Variants in SAP30BP observed in about 807,000 individuals in gnomAD.
SAP30BP encodes SAP30 binding protein, also known as SAP30-binding protein.
A neutral mutation model predicts 46.3 loss-of-function variants in SAP30BP; 31 were observed. That is an observed-to-expected ratio of 0.67 (90% CI 0.50 to 0.90). The LOEUF is 0.90. Among genes scored for constraint, SAP30BP ranks in the 40% least tolerant of loss-of-function variants. The pLI is 0.00. For synonymous variants in SAP30BP, 169 were observed against 144.2 expected, an observed-to-expected ratio of 1.17 and a Z score of -1.23; for missense variants, 312 against 391.0, an observed-to-expected ratio of 0.80 and a Z score of 1.70.
chr17:75,684,235 G>A (rs78799153), intron 3 of SAP30BP, among the ~76,000 whole-genome samples: 1,551 of 152,298 alleles, frequency 0.01, 23 homozygotes, highest in African/African-American at 0.034. Context: ...GTGCAAAATG[G>A]AAATAATAAT....
At chr17:75,672,848 C>T (rs2148371015) in intron 3 of SAP30BP, among the ~76,000 whole-genome samples, 1 of 151,972 alleles carries the variant, frequency 6.6e-6, no homozygotes, top group South Asian at 2.1e-4. Flanking sequence ...CCTGTGATCC[C>T]AGCTACTGGG....
At position 75,668,585 on chromosome 17, in the gene SAP30BP, A is replaced by G. The variant is rs1449552362; in HGVS notation, c.176A>G (p.Asp59Gly). ...TTTTCTCGTCTAGGGGGTGATGAAG[A>G]TGGTTATGAAGAAGAAGAAGATGAG... ...DDFSRLGGDEDGYEEEEDENS... is the reference protein window; with the variant it reads ...DDFSRLGGDEGGYEEEEDENS... The change falls in exon 2 of 11, where the codon GAT (aspartate) becomes GGT (glycine). Residue 59 changes from aspartate to glycine, a missense_variant. Around this residue, in one of 2 missense-constraint regions of SAP30BP, gnomAD observed 296 missense variants for 346.6 expected, o/e 0.85. Coordinates refer to ENST00000584667, the MANE Select transcript of SAP30BP (RefSeq NM_013260.8). The G allele has an allele frequency of 3.1e-6, 5 of 1,607,300 alleles. No homozygotes were observed. In the South Asian group the frequency reaches 3.3e-5, roughly 11 times the overall value.
chr17:75,683,369 AT>A, intron 3 of SAP30BP, among the ~76,000 whole-genome samples: 1 of 151,950 alleles, frequency 6.6e-6, no homozygotes, highest in East Asian at 1.9e-4. Flanking sequence ...AATAATAATA[AT>A]TTTTTAAATA....
In SAP30BP at chr17:75,680,679, G is replaced by A. The variant is rs560711057; in HGVS notation, c.264+8816G>A. Reference sequence around the variant, plus strand: ...TATCCTGTAGGTTAGAAGGCGCCACGATTTCTCGGCTCACTGCCCTTCATG... The same window carrying A: ...TATCCTGTAGGTTAGAAGGCGCCACAATTTCTCGGCTCACTGCCCTTCATG... On this transcript the variant is annotated intron_variant, in intron 3 of 10. Coordinates refer to ENST00000584667, the MANE Select transcript of SAP30BP (RefSeq NM_013260.8). Among the ~76,000 whole-genome samples, 6 of 152,340 alleles carry A rather than the reference G, an allele frequency of 3.9e-5. No individual in the cohort carries two copies. In the East Asian group the frequency reaches 9.7e-4, roughly 25 times the overall value.
intron 9 of SAP30BP, 183 bp downstream of exon 9, chr17:75,704,997 C>G (rs2060473200): frequency 1.7e-6 from 1 of 593,750 alleles, no homozygotes; most frequent in African/African-American, 1.9e-5. Flanking sequence ...CGGCGCTCGT[C>G]TGCTGCTTTT....
At chr17:75,674,665 T>TTAA (rs1414009963) in intron 3 of SAP30BP, among the ~76,000 whole-genome samples, 2 of 151,232 alleles carry the variant, frequency 1.3e-5, no homozygotes, top group Admixed American at 1.3e-4. Context: ...ACATTCTGCT[T>TTAA]TAAGCATATG....
chr17:75,704,467 A>G (rs2060463740), intron 8 of SAP30BP, among the ~76,000 whole-genome samples: 3 of 152,174 alleles, frequency 2.0e-5, no homozygotes, highest in Admixed American at 2.0e-4. Context: ...TCTCTCCATC[A>G]GTAGGAGGGT....
intron 3 of SAP30BP, among the ~76,000 whole-genome samples, chr17:75,686,122 T>A (rs1024278997): frequency 6.6e-6 from 1 of 152,200 alleles, no homozygotes; most frequent in East Asian, 1.9e-4. Context: ...AGAAACTGTT[T>A]CCCTTCCTCC....
At chr17:75,690,747 A>G (rs1369629412) in intron 3 of SAP30BP, 2 of 456,600 alleles carry the variant, frequency 4.4e-6, no homozygotes, top group Non-Finnish European at 8.8e-6. Flanking sequence ...CAGAGGGCAG[A>G]AGAATCACAT....
At chr17:75,700,484 C>T (rs1568321489) in intron 5 of SAP30BP, among the ~76,000 whole-genome samples, 1 of 152,160 alleles carries the variant, frequency 6.6e-6, no homozygotes, top group Non-Finnish European at 1.5e-5. Flanking sequence ...AGAACAGGCA[C>T]CCAAGGCTGC....
intron 2 of SAP30BP, 35 bp downstream of exon 2, chr17:75,668,660 G>T (rs187214328): frequency 7.3e-7 from 1 of 1,378,940 alleles, no homozygotes; most frequent in Non-Finnish European, 1.0e-6. Context: ...GCTACTGAAA[G>T]CACAATTTCA....
intron 3 of SAP30BP, chr17:75,690,913 C>T (rs1434060646): frequency 5.4e-6 from 2 of 367,766 alleles, no homozygotes; most frequent in Non-Finnish European, 1.1e-5. Flanking sequence ...CAGCGCTGGC[C>T]TCCTCCTGAG....
intron 2 of SAP30BP, among the ~76,000 whole-genome samples, chr17:75,669,963 T>G (rs1179180370): frequency 6.6e-6 from 1 of 152,200 alleles, no homozygotes; most frequent in East Asian, 1.9e-4. Flanking sequence ...AAGTTTTAAT[T>G]AAATCACTTA....
chr17:75,674,450 A>G (rs1221735959), intron 3 of SAP30BP, among the ~76,000 whole-genome samples: 7 of 151,498 alleles, frequency 4.6e-5, no homozygotes, highest in Admixed American at 1.3e-4. Context: ...GTGAGCCACC[A>G]TGCCCAGCTA....
At chr17:75,675,206 A>G (rs977958484) in intron 3 of SAP30BP, among the ~76,000 whole-genome samples, 29 of 152,144 alleles carry the variant, frequency 1.9e-4, no homozygotes, top group Admixed American at 8.5e-4. Context: ...GCTGGAGTGC[A>G]ATGGCGCAAT....
intron 4 of SAP30BP, among the ~76,000 whole-genome samples, chr17:75,696,857 A>G (rs1165863637): frequency 7.6e-5 from 11 of 144,736 alleles, no homozygotes; most frequent in South Asian, 2.2e-4. Context: ...GGCTCACTGT[A>G]AGCTCCGCCT....
rs1335597940 is a variant in SAP30BP, at chr17:75,707,559, C to G, written c.*1038C>G. 1 of 152,658 alleles carries G rather than the reference C, an allele frequency of 6.6e-6. No homozygotes were observed. Among genetic ancestry groups the G allele is most frequent in the Non-Finnish European group, 1.5e-5 (1 of 68,092 alleles). The allele number at this position is 152,658 out of a possible 1,614,324, so 9.5% of individuals were successfully genotyped here. On this transcript the variant is annotated 3_prime_UTR_variant, in exon 11 of 11. Coordinates refer to ENST00000584667, the MANE Select transcript of SAP30BP (RefSeq NM_013260.8). ...GGCCGTGTTGCTTTCAGTGGGTGGG[C>G]AGAGGTTTAGAAAGGTGGTTCTGAA...
intron 2 of SAP30BP, among the ~76,000 whole-genome samples, chr17:75,669,081 T>G (rs1445713550): frequency 6.8e-6 from 1 of 148,112 alleles, no homozygotes; most frequent in Non-Finnish European, 1.5e-5. Flanking sequence ...TTTCTTTTCT[T>G]TTTTTTTTTT....
chr17:75,676,922 C>T (rs1181088009), intron 3 of SAP30BP, among the ~76,000 whole-genome samples: 2 of 152,102 alleles, frequency 1.3e-5, no homozygotes, highest in Non-Finnish European at 2.9e-5. Context: ...AATCTTGGAA[C>T]GTATACCCCA....
Sources: allele counts gnomAD v4.1 joint callset (sites outside exome capture counted in the v4.1 genomes callset), GRCh38; gene constraint gnomAD v4.1.1; regional missense constraint gnomAD v4.1.1; transcripts MANE v1.5; gene names NCBI Gene and HGNC (gene_info 2026-07-23, HGNC 2026-07-21).